NEGR1: variants seen among roughly 807,000 people sequenced by gnomAD.
The protein encoded by NEGR1 is neuronal growth regulator 1, also known as IgLON family member 4.
A neutral mutation model predicts 40.9 loss-of-function variants in NEGR1; 10 were observed. The ratio of observed to expected loss-of-function variants is 0.24; its 90% CI spans 0.15 to 0.42. NEGR1 has a LOEUF of 0.42. Among genes scored for constraint, NEGR1 ranks in the 10% least tolerant of loss-of-function variants. NEGR1 has a pLI of 1.00. For missense variants in NEGR1, 352 were observed against 438.9 expected, an observed-to-expected ratio of 0.80 and a Z score of 1.77; for synonymous variants, 185 against 166.8, an observed-to-expected ratio of 1.11 and a Z score of -0.84.
chr1:71,481,263 T>C (rs1046789220), intron 6 of NEGR1, among the ~76,000 whole-genome samples: 2 of 151,828 alleles, frequency 1.3e-5, no homozygotes, highest in African/African-American at 2.4e-5. Flanking sequence ...GCTCAATTGG[T>C]GCTCACCTAT....
At position 72,282,364 on chromosome 1, in the gene NEGR1, G is replaced by GC; in HGVS notation, c.130dup (p.Ala44GlyfsTer16). 1 of 1,614,028 alleles carries GC rather than the reference G, an allele frequency of 6.2e-7. No homozygotes were observed. The highest frequency in any genetic ancestry group is 8.5e-7 in the Non-Finnish European group (1 of 1,180,022). Reference sequence around the variant, plus strand: ...TTTTCTGACCATCATGTTGTCCACGGCCGCCCAGGGGAAGTCCACACTCTG... The same window carrying GC: ...TTTTCTGACCATCATGTTGTCCACGGCCCGCCCAGGGGAAGTCCACACTCTG... On this transcript the variant is annotated frameshift_variant, in exon 1 of 7. Coordinates refer to ENST00000357731, the MANE Select transcript of NEGR1 (RefSeq NM_173808.3). LOFTEE classifies it high-confidence loss of function.
chr1:71,941,339 GT>G (rs34055107), intron 1 of NEGR1, among the ~76,000 whole-genome samples: 17,921 of 151,856 alleles, frequency 0.12, 1,150 homozygotes, highest in Middle Eastern at 0.22. Flanking sequence ...CCCTACCTTT[GT>G]TTTTTAGGGC....
intron 2 of NEGR1, among the ~76,000 whole-genome samples, chr1:71,867,748 T>C (rs1462080088): frequency 1.3e-5 from 2 of 152,188 alleles, no homozygotes; most frequent in Non-Finnish European, 2.9e-5. Flanking sequence ...CAACCACCTC[T>C]ACAATATTTA....
intron 4 of NEGR1, among the ~76,000 whole-genome samples, chr1:71,662,355 A>G (rs535007584): frequency 1.3e-5 from 2 of 152,320 alleles, no homozygotes; most frequent in South Asian, 2.1e-4. Context: ...AGTGGCATCT[A>G]AAGGAATTTG....
intron 1 of NEGR1, among the ~76,000 whole-genome samples, chr1:71,940,376 C>A (rs917075193): frequency 6.6e-6 from 1 of 152,156 alleles, no homozygotes; most frequent in African/African-American, 2.4e-5. Context: ...CAAAAATACA[C>A]TCTTCAGCAT....
intron 2 of NEGR1, among the ~76,000 whole-genome samples, chr1:71,886,067 C>A (rs545619418): frequency 2.0e-5 from 3 of 152,142 alleles, no homozygotes; most frequent in African/African-American, 7.2e-5. Flanking sequence ...AAAAGACTAT[C>A]AACCATTAAT....
At chr1:71,867,503 G>A (rs1434140158) in intron 2 of NEGR1, among the ~76,000 whole-genome samples, 2 of 152,104 alleles carry the variant, frequency 1.3e-5, no homozygotes, top group East Asian at 3.9e-4. Flanking sequence ...ATACTAAAAA[G>A]ATATTTAACA....
chr1:72,047,346 A>T (rs1187312644), intron 1 of NEGR1, among the ~76,000 whole-genome samples: 1 of 151,608 alleles, frequency 6.6e-6, no homozygotes, highest in African/African-American at 2.4e-5. Context: ...GAGCAGAAAT[A>T]GAGTTAAAAT....
chr1:71,644,436 A>T (rs886192456), intron 4 of NEGR1, among the ~76,000 whole-genome samples: 2 of 151,882 alleles, frequency 1.3e-5, no homozygotes, highest in African/African-American at 4.8e-5. Context: ...TTTCTAATAT[A>T]TCATTTACCT....
chr1:71,657,075 G>A (rs116338092), intron 4 of NEGR1, among the ~76,000 whole-genome samples: 2,013 of 152,278 alleles, frequency 0.013, 15 homozygotes, highest in Non-Finnish European at 0.021. Context: ...ATGGACCACT[G>A]TAGTTTGATA....
At chr1:72,011,459 G>A (rs1165448478) in intron 1 of NEGR1, among the ~76,000 whole-genome samples, 1 of 152,110 alleles carries the variant, frequency 6.6e-6, no homozygotes, top group African/African-American at 2.4e-5. Flanking sequence ...GAAACTTGGA[G>A]GGTTCAAAGA....
At chr1:72,243,218 T>C (rs1291615975) in intron 1 of NEGR1, among the ~76,000 whole-genome samples, 1 of 151,506 alleles carries the variant, frequency 6.6e-6, no homozygotes, top group Non-Finnish European at 1.5e-5. Context: ...ACACTTCTCA[T>C]CTCAATTAAA....
intron 4 of NEGR1, among the ~76,000 whole-genome samples, chr1:71,634,886 G>A (rs1651095157): frequency 6.6e-6 from 1 of 152,178 alleles, no homozygotes; most frequent in East Asian, 1.9e-4. Flanking sequence ...AGGTTGAGAA[G>A]CAATTCAATA....
chr1:71,814,477 G>GA (rs1466434926), intron 2 of NEGR1, among the ~76,000 whole-genome samples: 1 of 151,932 alleles, frequency 6.6e-6, no homozygotes, highest in Admixed American at 6.6e-5. Flanking sequence ...AATAGTTTCA[G>GA]AAAAAATGGT....
chr1:71,847,901 A>C (rs975905185), intron 2 of NEGR1, among the ~76,000 whole-genome samples: 1 of 152,246 alleles, frequency 6.6e-6, no homozygotes, highest in African/African-American at 2.4e-5. Context: ...TGCACCAAAG[A>C]ATTAATCAAG....
chr1:71,940,343 C>T (rs1645947596), intron 1 of NEGR1, among the ~76,000 whole-genome samples: 1 of 152,024 alleles, frequency 6.6e-6, no homozygotes, highest in South Asian at 2.1e-4. Flanking sequence ...ACCTATTTTG[C>T]AAGGAGATGA....
intron 2 of NEGR1, among the ~76,000 whole-genome samples, chr1:71,887,715 T>G (rs1660764659): frequency 6.6e-6 from 1 of 152,160 alleles, no homozygotes; most frequent in Non-Finnish European, 1.5e-5. Flanking sequence ...CACTTTACAG[T>G]AGTATAGGAC....
At chr1:71,942,651 G>A (rs537699145) in intron 1 of NEGR1, among the ~76,000 whole-genome samples, 89 of 133,682 alleles carry the variant, frequency 6.7e-4, no homozygotes, top group Non-Finnish European at 1.0e-3. Context: ...ACAGGCGCCC[G>A]CCACTACGCC....
At chr1:71,918,771 A>C (rs975070776) in intron 2 of NEGR1, among the ~76,000 whole-genome samples, 4 of 152,004 alleles carry the variant, frequency 2.6e-5, no homozygotes, top group African/African-American at 9.7e-5. Context: ...TTGGTCACTC[A>C]GGCCCCAATT....
Sources: allele counts gnomAD v4.1 joint callset (sites outside exome capture counted in the v4.1 genomes callset), GRCh38; gene constraint gnomAD v4.1.1; transcripts MANE v1.5; gene names NCBI Gene and HGNC (gene_info 2026-07-23, HGNC 2026-07-21).